Variants in AUTS2 observed in about 807,000 individuals in gnomAD.
AUTS2 encodes the protein activator of transcription and developmental regulator AUTS2.
In AUTS2, 17 loss-of-function variants were observed where a neutral mutation model predicts 112.4. The ratio of observed to expected loss-of-function variants is 0.15; its 90% CI spans 0.10 to 0.23. The LOEUF (loss-of-function observed/expected upper bound fraction) is 0.23, where lower values mean the gene tolerates loss of function less well. Ranked by LOEUF, AUTS2 falls within the 10% of genes least tolerant of loss-of-function variation. The pLI, the probability that AUTS2 is intolerant of heterozygous loss-of-function variation, is 1.00. For missense variants in AUTS2, 1,510 were observed against 1,701.6 expected (o/e 0.89, Z 1.98); for synonymous variants, 751 against 702.7 (o/e 1.07, Z -1.09).
intron 5 of AUTS2, among the ~76,000 whole-genome samples, chr7:70,549,991 T>C (rs1325274438): frequency 6.6e-6 from 1 of 152,172 alleles, no homozygotes. Flanking sequence ...AGCTATACTT[T>C]AGGAAAGGTG....
chr7:70,563,619 A>C (rs1331195700), intron 5 of AUTS2, among the ~76,000 whole-genome samples: 1 of 152,144 alleles, frequency 6.6e-6, no homozygotes, highest in African/African-American at 2.4e-5. Context: ...CACTTCCCGG[A>C]GATGGCGGAG....
At chr7:70,228,282 G>A (rs893832616) in intron 4 of AUTS2, among the ~76,000 whole-genome samples, 5 of 151,012 alleles carry the variant, frequency 3.3e-5, no homozygotes, top group Non-Finnish European at 5.9e-5. Context: ...TTCACATACT[G>A]TTTTTCAATC....
At chr7:69,785,575 A>AC in intron 1 of AUTS2, among the ~76,000 whole-genome samples, 1 of 152,374 alleles carries the variant, frequency 6.6e-6, no homozygotes, top group East Asian at 1.9e-4. Flanking sequence ...ATGGCCATAG[A>AC]CATAACTCAG....
At chr7:69,759,548 G>T (rs1193180164) in intron 1 of AUTS2, among the ~76,000 whole-genome samples, 1 of 151,958 alleles carries the variant, frequency 6.6e-6, no homozygotes, top group Non-Finnish European at 1.5e-5. Context: ...TGTACTTCAT[G>T]AGCCAATTGA....
intron 1 of AUTS2, among the ~76,000 whole-genome samples, chr7:69,649,839 C>G (rs1795213743): frequency 6.6e-6 from 1 of 152,160 alleles, no homozygotes; most frequent in Admixed American, 6.5e-5. Context: ...TGAAGAGTGA[C>G]TCTCAGCAAA....
In AUTS2 at chr7:70,790,163, AAGG is replaced by A; in HGVS notation, c.2953_2955del (p.Glu985del). 1 of 1,611,988 alleles carries A rather than the reference AAGG, an allele frequency of 6.2e-7. No homozygotes were observed. Among genetic ancestry groups the A allele is most frequent in the Non-Finnish European group, 8.5e-7 (1 of 1,179,658 alleles). On this transcript the variant is annotated inframe_deletion, in exon 19 of 19. Transcript: ENST00000342771. This position sits in a 1 kb window ranked among gnomAD's most constrained non-coding sequence, Gnocchi z 7.6. ...CAAGAAGAGCTCCGAGGTCAAGGTG[AAGG>A]AGGAGCGGAAGGAAGACCATGACCT...
At chr7:69,912,469 C>T (rs188621973) in intron 2 of AUTS2, among the ~76,000 whole-genome samples, 8 of 152,320 alleles carry the variant, frequency 5.3e-5, no homozygotes, top group East Asian at 1.9e-4. Flanking sequence ...ATCTTGGCAG[C>T]GGCTGCTCCA....
At chr7:69,801,441 G>A (rs1442965791) in intron 1 of AUTS2, among the ~76,000 whole-genome samples, 1 of 149,328 alleles carries the variant, frequency 6.7e-6, no homozygotes, top group Non-Finnish European at 1.5e-5. Context: ...ACATATATAT[G>A]TATGTATATA....
intron 2 of AUTS2, among the ~76,000 whole-genome samples, chr7:70,058,441 C>A (rs117448658): frequency 1.1e-4 from 17 of 152,216 alleles, no homozygotes; most frequent in African/African-American, 3.1e-4. Context: ...CATGTACCCC[C>A]CCGCTACGCA....
At chr7:70,506,285 A>G (rs531155006) in intron 5 of AUTS2, among the ~76,000 whole-genome samples, 19 of 152,364 alleles carry the variant, frequency 1.2e-4, no homozygotes, top group Non-Finnish European at 2.2e-4. Flanking sequence ...AGCGAGGGCA[A>G]TGCATCTGGA....
At chr7:70,197,304 A>G (rs79993264) in intron 4 of AUTS2, among the ~76,000 whole-genome samples, 1 of 152,280 alleles carries the variant, frequency 6.6e-6, no homozygotes, top group African/African-American at 2.4e-5. Context: ...GTACTTCTAA[A>G]GACACTGGAA....
At chr7:69,654,374 A>T (rs1225228889) in intron 1 of AUTS2, among the ~76,000 whole-genome samples, 1 of 152,266 alleles carries the variant, frequency 6.6e-6, no homozygotes, top group Non-Finnish European at 1.5e-5. Flanking sequence ...GCCCTTTCAT[A>T]TCCTGCCCCA....
intron 2 of AUTS2, among the ~76,000 whole-genome samples, chr7:69,915,027 G>A (rs913089724): frequency 2.0e-5 from 3 of 152,074 alleles, no homozygotes; most frequent in Non-Finnish European, 4.4e-5. Context: ...TATGTTTAAT[G>A]ATAACTCTGC....
intron 2 of AUTS2, among the ~76,000 whole-genome samples, chr7:69,934,585 ACTGCTGATCTC>A (rs1434982064): frequency 6.6e-6 from 1 of 152,200 alleles, no homozygotes; most frequent in Non-Finnish European, 1.5e-5. Flanking sequence ...GTCATTATGA[ACTGCTGATCTC>A]CTACCCCTCC....
intron 3 of AUTS2, among the ~76,000 whole-genome samples, chr7:70,120,614 G>A (rs189435361): frequency 1.2e-3 from 189 of 152,176 alleles, no homozygotes; most frequent in Middle Eastern, 3.4e-3. Flanking sequence ...TTTTCATAGT[G>A]TAGAGAAATG....
Position 70,087,741 on chromosome 7 carries a change from A to T in AUTS2, c.523-30391A>T, listed in dbSNP as rs116029774. 1.2e-3 allele frequency among the ~76,000 whole-genome samples: 178 copies of T among 152,258 alleles called. 1 individual carries two copies. The highest frequency in any genetic ancestry group is 4.2e-3 in the African/African-American group (175 of 41,546). Reference sequence around the variant, plus strand: ...TTCTGACATTATAGAATATATTGGGAAGTATTCCCTTCTCTCCAATTTTCT... The same window carrying T: ...TTCTGACATTATAGAATATATTGGGTAGTATTCCCTTCTCTCCAATTTTCT... On this transcript the variant is annotated intron_variant, in intron 2 of 18. Transcript: ENST00000342771.
At chr7:70,213,530 C>A (rs1350393641) in intron 4 of AUTS2, among the ~76,000 whole-genome samples, 3 of 139,868 alleles carry the variant, frequency 2.1e-5, no homozygotes, top group African/African-American at 8.3e-5. Flanking sequence ...AGCAGCAAGA[C>A]CCTGTCTCAA....
chr7:69,883,304 G>A (rs1425899240), intron 1 of AUTS2, among the ~76,000 whole-genome samples: 1 of 145,310 alleles, frequency 6.9e-6, no homozygotes, highest in Non-Finnish European at 1.5e-5. Context: ...TTTTTCTTTA[G>A]CAGGCAGGAA....
chr7:70,162,182 C>G (rs1266397804), intron 4 of AUTS2, among the ~76,000 whole-genome samples: 1 of 151,930 alleles, frequency 6.6e-6, no homozygotes, highest in Non-Finnish European at 1.5e-5. Flanking sequence ...CGCGGTGGCT[C>G]ACGCCTGTAA....
Sources: allele counts gnomAD v4.1 joint callset (sites outside exome capture counted in the v4.1 genomes callset), GRCh38; gene constraint gnomAD v4.1.1; non-coding constraint Gnocchi (gnomAD v3.1); transcripts MANE v1.5; gene names NCBI Gene and HGNC (gene_info 2026-07-23, HGNC 2026-07-21).